ABCB10: variants seen among roughly 807,000 people sequenced by gnomAD.
ABCB10 encodes ATP-binding cassette sub-family B member 10, mitochondrial.
A neutral mutation model predicts 65.4 loss-of-function variants in ABCB10; 54 were observed. The ratio of observed to expected loss-of-function variants is 0.83; its 90% CI spans 0.66 to 1.04. The LOEUF is 1.04. ABCB10 is among the 50% of genes least tolerant of loss of function. ABCB10 has a pLI of 0.00. For missense variants in ABCB10, 846 were observed against 976.6 expected (o/e 0.87, Z 1.78); for synonymous variants, 418 against 406.5 (o/e 1.03, Z -0.34).
intron 8 of ABCB10, among the ~76,000 whole-genome samples, chr1:229,528,169 G>T (rs1662488297): frequency 6.6e-6 from 1 of 152,160 alleles, no homozygotes; most frequent in Non-Finnish European, 1.5e-5. Flanking sequence ...AAAACTTGAG[G>T]TCTTTGACGA....
intron 1 of ABCB10, among the ~76,000 whole-genome samples, chr1:229,552,759 A>G (rs1189936813): frequency 6.6e-6 from 1 of 152,204 alleles, no homozygotes; most frequent in Admixed American, 6.5e-5. Flanking sequence ...GGCATCCATC[A>G]TCTTAAATCC....
Position 229,549,381 on chromosome 1 carries a change from A to G in ABCB10, c.571T>C (p.Phe191Leu). ...SSVISMSAPF[F>L]LGKIIDVIYT... ...ATGACATCAATGATCTTCCCCAGGA[A>G]GAAAGGGGCAGACATGGAGATAACA... Residue 191 changes from phenylalanine to leucine, a missense_variant, in exon 2 of 13, where the codon TTC (phenylalanine) becomes CTC (leucine). Transcript: ENST00000344517. 1 of 1,614,226 alleles carries G rather than the reference A, an allele frequency of 6.2e-7. No individual in the cohort carries two copies. The highest frequency in any genetic ancestry group is 8.5e-7 in the Non-Finnish European group (1 of 1,180,046).
At chr1:229,522,576 A>G (rs1662340705) in intron 10 of ABCB10, among the ~76,000 whole-genome samples, 1 of 152,218 alleles carries the variant, frequency 6.6e-6, no homozygotes, top group African/African-American at 2.4e-5. Flanking sequence ...TGATAAACTG[A>G]GATACAAAGT....
intron 11 of ABCB10, among the ~76,000 whole-genome samples, chr1:229,519,402 GCA>G (rs1662249818): frequency 1.3e-5 from 2 of 152,126 alleles, no homozygotes; most frequent in Non-Finnish European, 2.9e-5. Flanking sequence ...ATCGTTCATA[GCA>G]CAGTTTTATC....
chr1:229,553,123 C>CT (rs113418910), intron 1 of ABCB10, among the ~76,000 whole-genome samples: 2,863 of 146,480 alleles, frequency 0.02, 87 homozygotes, highest in African/African-American at 0.063. Flanking sequence ...GCCAGATTTG[C>CT]TTTTTTTTTT....
At position 229,558,562 on chromosome 1, in the gene ABCB10, C is replaced by T; in HGVS notation, c.91G>A (p.Ala31Thr). 1 of 1,443,630 alleles carries T rather than the reference C, an allele frequency of 6.9e-7. No individual in the cohort carries two copies. Among genetic ancestry groups the T allele is most frequent in the Non-Finnish European group, 9.1e-7 (1 of 1,100,056 alleles). The allele number at this position is 1,443,630 out of a possible 1,614,324, so 89.4% of individuals were successfully genotyped here. The change falls in exon 1 of 13, where the codon GCC becomes ACC. Residue 31 changes from alanine (A) to threonine (T), a missense_variant. Around this residue, in one of 2 missense-constraint regions of ABCB10, gnomAD observed 214 missense variants for 173.5 expected, o/e 1.23. Coordinates refer to ENST00000344517, the MANE Select transcript of ABCB10 (RefSeq NM_012089.3). ...GRLLPVACVW[A>T]AASRVPGSLS... ...GACCCGGGAACGCGGCTGGCCGCGGCCCACACGCAGGCTACCGGCAGGAGC... is the reference window on the plus strand; with the variant it reads ...GACCCGGGAACGCGGCTGGCCGCGGTCCACACGCAGGCTACCGGCAGGAGC...
intron 7 of ABCB10, 60 bp downstream of exon 7, chr1:229,531,576 G>A: frequency 6.7e-7 from 1 of 1,500,760 alleles, no homozygotes; most frequent in Admixed American, 1.7e-5. Flanking sequence ...GGGAAGAGCT[G>A]GTCTCATTGT....
At chr1:229,550,863 CAAA>C (rs972675375) in intron 1 of ABCB10, among the ~76,000 whole-genome samples, 1 of 121,678 alleles carries the variant, frequency 8.2e-6, no homozygotes, top group Non-Finnish European at 1.8e-5. Flanking sequence ...GACTCTGTCT[CAAA>C]AAAAAAAAAG....
intron 1 of ABCB10, 114 bp downstream of exon 1, chr1:229,558,022 G>A (rs2102715665): frequency 8.7e-7 from 1 of 1,146,056 alleles, no homozygotes; most frequent in Non-Finnish European, 1.1e-6. Context: ...TGGCCCAGGA[G>A]AGGCGGCGGT....
Position 229,549,262 on chromosome 1 carries a change from G to A in ABCB10, c.690C>T (p.Ala230=). The change falls in exon 2 of 13, where the codon GCC becomes GCT. Residue 230 remains alanine (A), a synonymous_variant. Coordinates refer to ENST00000344517, the MANE Select transcript of ABCB10 (RefSeq NM_012089.3). ...AVFLCGAAAN[A]IRVYLMQTSG... Reference sequence around the variant, plus strand: ...AAGTTTGCATGAGGTAGACACGAATGGCATTGGCGGCAGCACCACACAGAA... The same window carrying A: ...AAGTTTGCATGAGGTAGACACGAATAGCATTGGCGGCAGCACCACACAGAA... 1 of 1,614,108 alleles carries A rather than the reference G, an allele frequency of 6.2e-7. No individual in the cohort carries two copies.
At chr1:229,536,777 G>A (rs1037177904) in intron 6 of ABCB10, among the ~76,000 whole-genome samples, 4 of 151,910 alleles carry the variant, frequency 2.6e-5, no homozygotes, top group African/African-American at 7.3e-5. Flanking sequence ...GAAACATGTC[G>A]AAACTCTGTC....
intron 8 of ABCB10, among the ~76,000 whole-genome samples, chr1:229,527,968 T>C (rs1011431067): frequency 2.0e-5 from 3 of 152,226 alleles, no homozygotes; most frequent in African/African-American, 7.2e-5. Flanking sequence ...AAGAATCTGG[T>C]CGATACCATG....
intron 1 of ABCB10, among the ~76,000 whole-genome samples, chr1:229,552,043 T>C (rs2102710250): frequency 6.6e-6 from 1 of 152,348 alleles, no homozygotes; most frequent in East Asian, 1.9e-4. Flanking sequence ...TGTTCTCACA[T>C]AGTAATAATG....
In ABCB10 at chr1:229,547,772, C is replaced by G. The variant is rs113873301; in HGVS notation, c.719-71G>C. The G allele has an allele frequency of 1.7e-5, 25 of 1,491,408 alleles. No individual in the cohort carries two copies. The African/African-American group carries it at 1.9e-4, about 12-fold the overall frequency. The allele number at this position is 1,491,408 out of a possible 1,614,324, so 92.4% of individuals were successfully genotyped here. On this transcript the variant is annotated intron_variant, in intron 2 of 12. Coordinates refer to ENST00000344517, the MANE Select transcript of ABCB10 (RefSeq NM_012089.3). ...ATTACCATTATGGGGCAGCCACTTA[C>G]TGTGCAGCAGCTTGGCCTGGAGTTG... is the stretch of plus-strand genomic sequence containing the variant.
intron 11 of ABCB10, among the ~76,000 whole-genome samples, chr1:229,520,913 C>T (rs1662298690): frequency 6.6e-6 from 1 of 152,208 alleles, no homozygotes; most frequent in South Asian, 2.1e-4. Context: ...GAACGACTGA[C>T]TGCAAGTGGG....
chr1:229,530,926 T>A (rs958654315), intron 7 of ABCB10, among the ~76,000 whole-genome samples: 1 of 152,224 alleles, frequency 6.6e-6, no homozygotes, highest in Non-Finnish European at 1.5e-5. Context: ...GCCCTGGTGT[T>A]CACCTACTGT....
At chr1:229,554,403 A>G (rs1204597701) in intron 1 of ABCB10, among the ~76,000 whole-genome samples, 1 of 152,192 alleles carries the variant, frequency 6.6e-6, no homozygotes, top group Non-Finnish European at 1.5e-5. Context: ...GGAGTATCCC[A>G]AAGACAAAAT....
chr1:229,529,363 G>C (rs1662525569), intron 8 of ABCB10, among the ~76,000 whole-genome samples: 1 of 130,786 alleles, frequency 7.6e-6, no homozygotes, highest in Non-Finnish European at 1.6e-5. Flanking sequence ...AGTTTCAATG[G>C]AACAGTCACA....
At chr1:229,533,486 T>C (rs140402019) in intron 6 of ABCB10, among the ~76,000 whole-genome samples, 1 of 152,336 alleles carries the variant, frequency 6.6e-6, no homozygotes, top group African/African-American at 2.4e-5. Context: ...GGACATACAT[T>C]TGTAACATTT....
Sources: allele counts gnomAD v4.1 joint callset (sites outside exome capture counted in the v4.1 genomes callset), GRCh38; gene constraint gnomAD v4.1.1; regional missense constraint gnomAD v4.1.1; transcripts MANE v1.5; gene names NCBI Gene and HGNC (gene_info 2026-07-23, HGNC 2026-07-21).